Variants in ADGRL4 observed in about 807,000 individuals in gnomAD.
ADGRL4 encodes the protein adhesion G protein-coupled receptor L4.
A neutral mutation model predicts 74.8 loss-of-function variants in ADGRL4; 90 were observed. That is an observed-to-expected ratio of 1.20 (90% confidence interval 1.02 to 1.43). The LOEUF (loss-of-function observed/expected upper bound fraction) is 1.43. Ranked by LOEUF, ADGRL4 falls within the 40% of genes most tolerant of loss-of-function variation. The probability of loss-of-function intolerance (pLI) is 0.00; values close to 1 mark genes in which losing one functional copy is unlikely to be tolerated. For missense variants in ADGRL4, 881 were observed against 814.3 expected, an observed-to-expected ratio of 1.08 and a Z score of -1.00; for synonymous variants, 311 against 279.2, an observed-to-expected ratio of 1.11 and a Z score of -1.14.
intron 12 of ADGRL4, among the ~76,000 whole-genome samples, chr1:78,900,282 T>C (rs1309500682): frequency 1.3e-5 from 2 of 152,036 alleles, no homozygotes; most frequent in Non-Finnish European, 2.9e-5. Context: ...TCTTCCGCAG[T>C]CCCTCCAGAG....
Position 78,946,385 on chromosome 1 carries a change from TTTCGCC to T in ADGRL4, c.208_213del (p.Gly70_Glu71del). 1 of 1,613,066 alleles carries T rather than the reference TTTCGCC, an allele frequency of 6.2e-7. No individual in the cohort carries two copies. The highest frequency in any genetic ancestry group is 8.5e-7 in the Non-Finnish European group (1 of 1,179,462). On this transcript the variant is annotated inframe_deletion, in exon 3 of 15. Transcript: ENST00000370742. ...CCTTCTGTGTTAGTGCAATTAGCAT[TTTCGCC>T]ACAGGACTGAGTTAAATTTCCACAT...
intron 2 of ADGRL4, among the ~76,000 whole-genome samples, chr1:78,951,683 TA>T (rs1649725948): frequency 6.6e-6 from 1 of 152,214 alleles, no homozygotes; most frequent in Admixed American, 6.5e-5. Context: ...CAATGATTGA[TA>T]TTGTCTTCAT....
intron 6 of ADGRL4, among the ~76,000 whole-genome samples, chr1:78,936,943 A>G (rs1300266992): frequency 6.6e-6 from 1 of 152,180 alleles, no homozygotes; most frequent in Admixed American, 6.5e-5. Context: ...GCAGAATGCC[A>G]ACCAGAAAAT....
chr1:78,946,513 G>A (rs1189781732), intron 2 of ADGRL4, 87 bp from the exon 3 acceptor site: 1 of 1,124,476 alleles, frequency 8.9e-7, no homozygotes, highest in Non-Finnish European at 1.3e-6. Context: ...AATATTGACT[G>A]TTAGATAGTT....
chr1:78,998,019 G>A (rs2100740124), intron 2 of ADGRL4, among the ~76,000 whole-genome samples: 1 of 152,248 alleles, frequency 6.6e-6, no homozygotes, highest in Non-Finnish European at 1.5e-5. Context: ...CAAACAACGA[G>A]GAATAGAATG....
chr1:78,919,183 T>A (rs550636779), intron 10 of ADGRL4, among the ~76,000 whole-genome samples: 2 of 152,102 alleles, frequency 1.3e-5, no homozygotes, highest in East Asian at 3.9e-4. Flanking sequence ...TTAGTTTCAG[T>A]CTTTGAAAGA....
At chr1:78,912,409 G>A (rs1431126519) in intron 12 of ADGRL4, among the ~76,000 whole-genome samples, 1 of 151,654 alleles carries the variant, frequency 6.6e-6, no homozygotes, top group Non-Finnish European at 1.5e-5. Context: ...CAAACCCCAG[G>A]CCATGAACCA....
intron 7 of ADGRL4, among the ~76,000 whole-genome samples, chr1:78,934,390 A>G (rs919388997): frequency 4.6e-5 from 7 of 152,190 alleles, no homozygotes; most frequent in Admixed American, 3.9e-4. Flanking sequence ...TACACCACAG[A>G]CAAAAATTAA....
chr1:78,902,216 A>G (rs934157157), intron 12 of ADGRL4, among the ~76,000 whole-genome samples: 2 of 152,068 alleles, frequency 1.3e-5, no homozygotes, highest in African/African-American at 4.8e-5. Context: ...GTACTTCAAA[A>G]CTACTGTTAT....
intron 9 of ADGRL4, among the ~76,000 whole-genome samples, 158 bp from the exon 10 acceptor site, chr1:78,920,544 A>G (rs1326352021): frequency 1.3e-5 from 2 of 151,914 alleles, no homozygotes; most frequent in African/African-American, 2.4e-5. Flanking sequence ...AAAATTTTGT[A>G]CTTTTGAAAA....
intron 2 of ADGRL4, among the ~76,000 whole-genome samples, chr1:78,949,040 T>C (rs77965722): frequency 0.071 from 10,850 of 152,164 alleles, 602 homozygotes; most frequent in East Asian, 0.33. Context: ...TGGGAGAAGT[T>C]TATATTAAAC....
At chr1:78,921,841 T>G (rs1570229714) in intron 8 of ADGRL4, 55 bp from the exon 9 acceptor site, 1 of 1,032,646 alleles carries the variant, frequency 9.7e-7, no homozygotes, top group East Asian at 3.0e-5. Context: ...ATACATAGTA[T>G]TGTTTTGTCA....
At chr1:78,957,151 C>T (rs1048014705) in intron 2 of ADGRL4, among the ~76,000 whole-genome samples, 3 of 152,180 alleles carry the variant, frequency 2.0e-5, no homozygotes, top group African/African-American at 7.2e-5. Context: ...GCTGAACCTA[C>T]TGGCTGTTTC....
At chr1:78,915,074 C>T (rs186995378) in intron 12 of ADGRL4, among the ~76,000 whole-genome samples, 1 of 151,990 alleles carries the variant, frequency 6.6e-6, no homozygotes, top group East Asian at 1.9e-4. Context: ...CTTCACATGA[C>T]CTAGGCAGAC....
At chr1:78,934,452 A>G (rs933267537) in intron 7 of ADGRL4, among the ~76,000 whole-genome samples, 9 of 152,222 alleles carry the variant, frequency 5.9e-5, no homozygotes, top group Non-Finnish European at 8.8e-5. Context: ...TAAAACTCCT[A>G]GAAGAAAATG....
intron 2 of ADGRL4, among the ~76,000 whole-genome samples, chr1:78,969,123 T>G (rs1349341999): frequency 6.6e-6 from 1 of 152,216 alleles, no homozygotes; most frequent in African/African-American, 2.4e-5. Context: ...TAAGGTATAT[T>G]CCTGTGAACA....
chr1:78,955,919 A>C (rs189779350), intron 2 of ADGRL4, among the ~76,000 whole-genome samples: 2 of 152,246 alleles, frequency 1.3e-5, no homozygotes, highest in Admixed American at 1.3e-4. Flanking sequence ...TACTTACTAA[A>C]AGTGTATGCA....
chr1:79,003,380 T>C (rs1206691136), intron 2 of ADGRL4, among the ~76,000 whole-genome samples: 3 of 151,782 alleles, frequency 2.0e-5, no homozygotes, highest in Non-Finnish European at 4.4e-5. Context: ...AACAAGTGTA[T>C]ATGGAGTTTT....
intron 12 of ADGRL4, among the ~76,000 whole-genome samples, chr1:78,912,118 A>G (rs1307528770): frequency 1.3e-5 from 2 of 151,932 alleles, no homozygotes; most frequent in African/African-American, 4.8e-5. Flanking sequence ...CAAAGACCAC[A>G]TTGCAACTGT....
Sources: allele counts gnomAD v4.1 joint callset (sites outside exome capture counted in the v4.1 genomes callset), GRCh38; gene constraint gnomAD v4.1.1; transcripts MANE v1.5; gene names NCBI Gene and HGNC (gene_info 2026-07-23, HGNC 2026-07-21).